The following PPP6R1 variants were observed in gnomAD, a reference collection of about 807,000 sequenced individuals.
The protein encoded by PPP6R1 is serine/threonine-protein phosphatase 6 regulatory subunit 1.
In PPP6R1, 39 loss-of-function variants were observed where a neutral mutation model predicts 104.6. That is an observed-to-expected ratio of 0.37 (90% CI 0.29 to 0.49). The LOEUF is 0.49. Among genes scored for constraint, PPP6R1 ranks in the 20% least tolerant of loss-of-function variants. The pLI, the probability that PPP6R1 is intolerant of heterozygous loss-of-function variation, is 0.98. For synonymous variants in PPP6R1, 549 were observed against 479.0 expected, an observed-to-expected ratio of 1.15 and a Z score of -1.91; for missense variants, 1,181 against 1,155.8, an observed-to-expected ratio of 1.02 and a Z score of -0.32.
chr19:55,229,764 G>T (rs1275046702), downstream of PPP6R1: 3 of 152,372 alleles, frequency 2.0e-5, no homozygotes, highest in African/African-American at 7.2e-5. Flanking sequence ...AGAACGTAAG[G>T]TCTGACCAGC....
intron 1 of PPP6R1, chr19:55,247,499 C>T (rs944052289): frequency 5.2e-5 from 10 of 191,786 alleles, no homozygotes; most frequent in East Asian, 1.4e-4. Flanking sequence ...TGAGGGGCCT[C>T]GGGCCCTGTC....
intron 2 of PPP6R1, among the ~76,000 whole-genome samples, chr19:55,246,256 C>T (rs1383904586): frequency 6.6e-6 from 1 of 152,100 alleles, no homozygotes; most frequent in Non-Finnish European, 1.5e-5. Context: ...CATGGCGAAA[C>T]CCTGTCTCTA....
At chr19:55,246,805 C>G in intron 2 of PPP6R1, 72 bp downstream of exon 2, 1 of 1,319,386 alleles carries the variant, frequency 7.6e-7, no homozygotes, top group Non-Finnish European at 1.0e-6. Flanking sequence ...TTCAGGGTAG[C>G]TGTGAGGCTT....
rs2087454330 is a variant in PPP6R1 at position 55,241,254 on chromosome 19, C to T, written c.1146G>A (p.Val382=). ...ALTHELLALD[V]PNTMLDLFFH... ...GTCCCCGCACCAGCATGGTGTTGGG[C>T]ACGTCCAGTGCCAGGAGCTCGTGCG... Residue 382 remains valine (V), a synonymous_variant, in exon 9 of 24, where the codon GTG becomes GTA. Transcript: ENST00000412770. The surrounding 1 kb of genome is among the most constrained non-coding windows in gnomAD (Gnocchi z 5.4). The T allele has an allele frequency of 2.5e-6, 4 of 1,568,748 alleles. No homozygotes were observed. The highest frequency in any genetic ancestry group is 2.7e-5 in the African/African-American group (2 of 73,212).
At position 55,231,896 on chromosome 19, in the gene PPP6R1, C is replaced by A. The variant is rs767158888; in HGVS notation, c.2212G>T (p.Gly738Trp). 5 of 1,519,894 alleles carry A rather than the reference C, an allele frequency of 3.3e-6. No individual in the cohort carries two copies. In the Admixed American group the frequency reaches 1.1e-4, roughly 32 times the overall value. 94.2% of individuals were successfully genotyped at this position (1,519,894 alleles called of 1,614,324 possible). Residue 738 changes from glycine (G) to tryptophan (W), a missense_variant, in exon 19 of 24, where the codon GGG (glycine) becomes TGG (tryptophan). Physicochemically the swap from Gly to Trp is radical, Grantham distance 184. This residue lies in a region of PPP6R1 where 1,042 missense variants were observed against 955.6 expected (regional missense o/e 1.09). Coordinates refer to ENST00000412770, the MANE Select transcript of PPP6R1 (RefSeq NM_014931.4). ...RVSGEEELHT[G>W]PPAPQGPLSV... The stretch of plus-strand genomic sequence containing the variant: ...AGGGGCCCCTGTGGGGCTGGAGGCC[C>A]AGTGTGCAGCTCTTCCTCCCCGGAG...
Position 55,245,410 on chromosome 19 carries a change from C to T in PPP6R1, c.415-8G>A. ...CCGAAGAAAGGACACGAGCTGGGGG[C>T]ACACGGGCTGCGTCATGCACAGGGC... On this transcript the variant is annotated splice_region_variant and splice_polypyrimidine_tract_variant and intron_variant, in intron 3 of 23. Transcript: ENST00000412770. This position sits in a 1 kb window ranked among gnomAD's most constrained non-coding sequence, Gnocchi z 6.4. The T allele has an allele frequency of 6.2e-7, 1 of 1,613,406 alleles. No homozygotes were observed. Among genetic ancestry groups the T allele is most frequent in the Non-Finnish European group, 8.5e-7 (1 of 1,179,736 alleles).
In PPP6R1 at chr19:55,242,407, C is replaced by G. The variant is rs531474081; in HGVS notation, c.700G>C (p.Glu234Gln). ...AGGGTGGCCAGCAGTTGGTCAGGCT[C>G]TGGGCTGTCCTGGACTTGGATCATC... ...EQMIQVQDSP[E>Q]PDQLLATLEK... The change falls in exon 6 of 24, where the codon GAG becomes CAG. Residue 234 changes from glutamate (E) to glutamine (Q), a missense_variant. Around this residue, in one of 2 missense-constraint regions of PPP6R1, gnomAD observed 1,042 missense variants for 955.6 expected, o/e 1.09. Coordinates refer to ENST00000412770, the MANE Select transcript of PPP6R1 (RefSeq NM_014931.4). The G allele has an allele frequency of 6.2e-7, 1 of 1,613,946 alleles. No individual in the cohort carries two copies. Among genetic ancestry groups the G allele is most frequent in the African/African-American group, 1.3e-5 (1 of 75,058 alleles).
At chr19:55,240,402 G>A in intron 10 of PPP6R1, 102 bp from the exon 11 acceptor site, 32 of 1,170,372 alleles carry the variant, frequency 2.7e-5, no homozygotes, top group Non-Finnish European at 3.9e-5. Context: ...TGCTTCACCA[G>A]GCCCCCGCTC....
chr19:55,242,680 C>A, intron 5 of PPP6R1, 192 bp from the exon 6 acceptor site: 1 of 588,770 alleles, frequency 1.7e-6, no homozygotes, highest in Non-Finnish European at 3.1e-6. Context: ...GAACAGGAAG[C>A]CCGGAAGGCT....
intron 5 of PPP6R1, 28 bp from the exon 6 acceptor site, chr19:55,242,516 C>A (rs775814061): frequency 5.7e-6 from 9 of 1,586,430 alleles, no homozygotes; most frequent in Admixed American, 1.7e-5. Context: ...AGGTGAGGAT[C>A]CTGGTCGGGC....
chr19:55,230,751 C>CCCCCCCCCCCCCCCCGGGG, intron 22 of PPP6R1, 23 bp downstream of exon 22: 1 of 1,472,568 alleles, frequency 6.8e-7, no homozygotes, highest in Non-Finnish European at 9.1e-7. Context: ...CCCACCCCCC[C>CCCCCCCCCCCCCCCCGGGG]GCCCTGCTGC....
chr19:55,245,405 G>T lies in PPP6R1; in HGVS notation c.415-3C>A. ...TTCTTCCGAAGAAAGGACACGAGCT[G>T]GGGGCACACGGGCTGCGTCATGCAC... On this transcript the variant is annotated splice_region_variant and splice_polypyrimidine_tract_variant and intron_variant, in intron 3 of 23. Transcript: ENST00000412770. This position sits in a 1 kb window ranked among gnomAD's most constrained non-coding sequence, Gnocchi z 6.4. 6.2e-7 allele frequency: 1 copy of T among 1,613,430 alleles called. No individual in the cohort carries two copies. The highest frequency in any genetic ancestry group is 8.5e-7 in the Non-Finnish European group (1 of 1,179,732).
Position 55,245,700 on chromosome 19 carries a change from G to T in PPP6R1, c.228-22C>A. 1 of 1,594,456 alleles carries T rather than the reference G, an allele frequency of 6.3e-7. No individual in the cohort carries two copies. Among genetic ancestry groups the T allele is most frequent in the Non-Finnish European group, 8.5e-7 (1 of 1,173,590 alleles). On this transcript the variant is annotated intron_variant, in intron 2 of 23. Coordinates refer to ENST00000412770, the MANE Select transcript of PPP6R1 (RefSeq NM_014931.4). This position sits in a 1 kb window ranked among gnomAD's most constrained non-coding sequence, Gnocchi z 6.4. ...GTACCTGGGAGGCAAGCACAGGCGG[G>T]TGGGGGCTCGGGTCGGAGGCCGGGG...
chr19:55,240,903 G>A (rs1314614997), intron 10 of PPP6R1, 42 bp downstream of exon 10: 4 of 1,592,846 alleles, frequency 2.5e-6, no homozygotes, highest in Admixed American at 1.7e-5. Context: ...CGCCCACAGG[G>A]GATGGGCCCA....
In PPP6R1 at chr19:55,245,747, C is replaced by T. The variant is rs990972696; in HGVS notation, c.228-69G>A. 2 of 1,299,372 alleles carry T rather than the reference C, an allele frequency of 1.5e-6. No homozygotes were observed. Among genetic ancestry groups the T allele is most frequent in the African/African-American group, 2.9e-5 (2 of 69,172 alleles). 80.5% of individuals were successfully genotyped at this position (1,299,372 alleles called of 1,614,324 possible). A position where few individuals can be genotyped will look rare whatever the true frequency, so the allele number is the denominator to read the frequency against. ...GGGGGCAGGGGGCGGCAAGGCTCCACCCTCTTCTCTGCACCGGGCACTGGG... is the reference window on the plus strand; with the variant it reads ...GGGGGCAGGGGGCGGCAAGGCTCCATCCTCTTCTCTGCACCGGGCACTGGG... On this transcript the variant is annotated intron_variant, in intron 2 of 23. Transcript: ENST00000412770. The surrounding 1 kb of genome is among the most constrained non-coding windows in gnomAD (Gnocchi z 6.4).
intron 12 of PPP6R1, 33 bp downstream of exon 12, chr19:55,239,965 CA>C (rs1568946048): frequency 6.2e-7 from 1 of 1,611,414 alleles, no homozygotes; most frequent in Admixed American, 1.7e-5. Context: ...TCAAGCCCCC[CA>C]CCTAGCCCTC....
At chr19:55,233,808 A>G (rs1600104326) in intron 17 of PPP6R1, among the ~76,000 whole-genome samples, 1 of 152,266 alleles carries the variant, frequency 6.6e-6, no homozygotes, top group African/African-American at 2.4e-5. Context: ...ATCCATGTTC[A>G]CGTATTAGAA....
At chr19:55,256,939 A>G (rs1185654375) in intron 1 of PPP6R1, among the ~76,000 whole-genome samples, 1 of 152,184 alleles carries the variant, frequency 6.6e-6, no homozygotes, top group Non-Finnish European at 1.5e-5. Flanking sequence ...GCAGTCTGCT[A>G]TCCCCACTTA....
chr19:55,232,172 C>T lies in PPP6R1; in HGVS notation c.2028G>A (p.Glu676=). 6.4e-7 allele frequency: 1 copy of T among 1,568,194 alleles called. No homozygotes were observed. Among genetic ancestry groups the T allele is most frequent in the African/African-American group, 1.4e-5 (1 of 73,994 alleles). ...GSTDSEDEEE[E]DEEEEEDEEG... ...CCTCGTCTTCCTCCTCCTCCTCGTC[C>T]TCCTCTTCTTCGTCCTCACTGTCTG... The change falls in exon 18 of 24, where the codon GAG becomes GAA. Residue 676 remains glutamate (E), a synonymous_variant. Transcript: ENST00000412770.
Sources: gnomAD v4.1 joint callset for allele counts (sites outside exome capture counted in the v4.1 genomes callset) on GRCh38, gnomAD v4.1.1 for gene constraint, gnomAD v4.1.1 regional missense constraint, Gnocchi (gnomAD v3.1) non-coding constraint, MANE v1.5 for transcripts, NCBI Gene and HGNC (gene_info 2026-07-23, HGNC 2026-07-21) for gene names.